PMP22: variants seen among roughly 807,000 people sequenced by gnomAD.
PMP22 encodes the protein Charcot-Marie-Tooth neuropathy 1A (greatly reduced nerve conduction velocity, hereditary motor sensory neuropathy Ia).
PMP22 carries 2 observed loss-of-function variants against 18.9 expected under a neutral mutation model. The ratio of observed to expected loss-of-function variants is 0.11; its 90% CI spans 0.04 to 0.33. The LOEUF is 0.33. Ranked by LOEUF, PMP22 falls within the 10% of genes least tolerant of loss-of-function variation. The pLI, the probability that PMP22 is intolerant of heterozygous loss-of-function variation, is 1.00. For synonymous variants in PMP22, 95 were observed against 89.2 expected (o/e 1.07, Z -0.37); for missense variants, 169 against 202.2 (o/e 0.84, Z 1.00).
chr17:15,236,849 C>T (rs1464650301), intron 4 of PMP22, among the ~76,000 whole-genome samples: 1 of 152,232 alleles, frequency 6.6e-6, no homozygotes, highest in Non-Finnish European at 1.5e-5. Context: ...TCCAGTGCAA[C>T]ATCCTAGAGA....
intron 1 of PMP22, among the ~76,000 whole-genome samples, chr17:15,264,438 A>G (rs984619948): frequency 2.0e-4 from 30 of 152,350 alleles, no homozygotes; most frequent in African/African-American, 7.2e-4. Context: ...TTATGTGATC[A>G]CAACATACTC....
chr17:15,254,803 C>T (rs982536278), intron 3 of PMP22, among the ~76,000 whole-genome samples: 1 of 152,054 alleles, frequency 6.6e-6, no homozygotes, highest in Non-Finnish European at 1.5e-5. Flanking sequence ...ACTAAAAATA[C>T]AAAAAATTAG....
At position 15,261,171 on chromosome 17, in the gene PMP22, T is replaced by C. The variant is rs879326870; in HGVS notation, c.-34-410A>G. 6.4e-6 allele frequency: 1 copy of C among 157,400 alleles called. No homozygotes were observed. The highest frequency in any genetic ancestry group is 1.4e-5 in the Non-Finnish European group (1 of 72,498). 9.8% of individuals were successfully genotyped at this position (157,400 alleles called of 1,614,324 possible). On this transcript the variant is annotated intron_variant, in intron 1 of 4. Transcript: ENST00000312280. This position sits in a 1 kb window ranked among gnomAD's most constrained non-coding sequence, Gnocchi z 5.2. The stretch of plus-strand genomic sequence containing the variant: ...ACGTTCTCCGAGACCCCGGTTCAGA[T>C]GGTGAATTCCCCTATGGGGTGGAGG...
chr17:15,243,753 A>G (rs1406422966), intron 3 of PMP22, among the ~76,000 whole-genome samples: 1 of 147,926 alleles, frequency 6.8e-6, no homozygotes, highest in Non-Finnish European at 1.5e-5. Flanking sequence ...TTATAGAAGT[A>G]TATATGTTCA....
intron 3 of PMP22, among the ~76,000 whole-genome samples, chr17:15,251,242 C>T (rs1045079226): frequency 2.6e-5 from 4 of 152,198 alleles, no homozygotes; most frequent in Non-Finnish European, 5.9e-5. Flanking sequence ...CTTCCCTGAG[C>T]AGCTCATTCC....
Position 15,244,159 on chromosome 17 carries a change from C to T in PMP22, c.179-4548G>A, listed in dbSNP as rs1027248086. ...AGAAATATGAACAGCCAATAAACAT[C>T]GTAAAAGGTGCCCAACCTCACTAGC... On this transcript the variant is annotated intron_variant, in intron 3 of 4. Coordinates refer to ENST00000312280, the MANE Select transcript of PMP22 (RefSeq NM_000304.4). Among the ~76,000 whole-genome samples the T allele has an allele frequency of 4.6e-5, 7 of 152,116 alleles. No homozygotes were observed. The East Asian group carries it at 5.8e-4, about 13-fold the overall frequency.
At chr17:15,255,296 G>A (rs185042409) in intron 3 of PMP22, among the ~76,000 whole-genome samples, 1 of 152,274 alleles carries the variant, frequency 6.6e-6, no homozygotes, top group East Asian at 1.9e-4. Flanking sequence ...CCCCAAGGCC[G>A]AATGACTATA....
chr17:15,255,602 C>T (rs763810116), intron 3 of PMP22, among the ~76,000 whole-genome samples: 9 of 152,204 alleles, frequency 5.9e-5, no homozygotes, highest in Non-Finnish European at 1.2e-4. Context: ...AATGATCTTA[C>T]TTAAGCCCCT....
intron 4 of PMP22, among the ~76,000 whole-genome samples, chr17:15,239,087 A>G (rs1351238960): frequency 6.6e-6 from 1 of 152,202 alleles, no homozygotes; most frequent in African/African-American, 2.4e-5. Flanking sequence ...TGGAGGCATA[A>G]TGTAATCTAC....
At chr17:15,239,344 G>T (rs1907084105) in intron 4 of PMP22, 127 bp downstream of exon 4, 1 of 1,114,564 alleles carries the variant, frequency 9.0e-7, no homozygotes, top group Non-Finnish European at 1.4e-6. Context: ...CTCACTTTAT[G>T]GAAAGCATCC....
chr17:15,249,371 T>C (rs1302940971), intron 3 of PMP22, among the ~76,000 whole-genome samples: 1 of 152,216 alleles, frequency 6.6e-6, no homozygotes, highest in Non-Finnish European at 1.5e-5. Flanking sequence ...GGTTACCTAA[T>C]TTGTTACAGG....
intron 4 of PMP22, among the ~76,000 whole-genome samples, chr17:15,236,303 C>A (rs1400428503): frequency 1.3e-5 from 2 of 152,198 alleles, no homozygotes; most frequent in African/African-American, 2.4e-5. Flanking sequence ...AGACAGACAA[C>A]TCCCAAACCT....
rs139154597 is a variant in PMP22 at position 15,258,369 on chromosome 17, T to C, written c.178+725A>G. ...ACAGGGCTCCTGGCTGGGTGTTCCT[T>C]TCCCTCTGGGTGCCTTGGGTACCTA... On this transcript the variant is annotated intron_variant, in intron 3 of 4. Transcript: ENST00000312280. The surrounding 1 kb of genome is among the most constrained non-coding windows in gnomAD (Gnocchi z 4.1). 6.9e-3 allele frequency among the ~76,000 whole-genome samples: 1,047 copies of C among 152,224 alleles called. 11 individuals carry two copies. Among genetic ancestry groups the C allele is most frequent in the African/African-American group, 0.024 (1,008 of 41,510 alleles).
At chr17:15,231,480 T>G (rs1174341899) in intron 4 of PMP22, among the ~76,000 whole-genome samples, 1 of 151,994 alleles carries the variant, frequency 6.6e-6, no homozygotes, top group African/African-American at 2.4e-5. Context: ...TACAAGTGAG[T>G]GGTGGCATTA....
In PMP22 at chr17:15,239,510, C is replaced by T. The variant is rs1335714957; in HGVS notation, c.280G>A (p.Gly94Ser). The T allele has an allele frequency of 1.9e-6, 3 of 1,614,158 alleles. No homozygotes were observed. Among genetic ancestry groups the T allele is most frequent in the Middle Eastern group, 1.6e-4 (1 of 6,062 alleles). ...FCQLFTLTKG[G>S]RFYITGIFQI... ...AAGATTCCAGTGATGTAAAACCTGC[C>T]CCCCTTGGTGAGGGTGAAGAGTTGG... The change falls in exon 4 of 5, where the codon GGC becomes AGC. Residue 94 changes from glycine (G) to serine (S), a missense_variant. Gly to Ser is a moderately conservative substitution (Grantham distance 56, BLOSUM62 0). Coordinates refer to ENST00000312280, the MANE Select transcript of PMP22 (RefSeq NM_000304.4).
At chr17:15,241,601 C>T (rs1907326253) in intron 3 of PMP22, among the ~76,000 whole-genome samples, 1 of 152,134 alleles carries the variant, frequency 6.6e-6, no homozygotes, top group African/African-American at 2.4e-5. Flanking sequence ...ACCTCACATA[C>T]ACAGAAAACT....
chr17:15,239,513 C>G lies in PMP22; in HGVS notation c.277G>C (p.Gly93Arg), dbSNP rs778693173. ...ATTCCAGTGATGTAAAACCTGCCCC[C>G]CTTGGTGAGGGTGAAGAGTTGGCAG... The part of the protein sequence containing the change: ...FFCQLFTLTK[G>R]GRFYITGIFQ... The change falls in exon 4 of 5, where the codon GGG becomes CGG. Residue 93 changes from glycine to arginine, a missense_variant. Physicochemically the swap from Gly to Arg is moderately radical, Grantham distance 125. Coordinates refer to ENST00000312280, the MANE Select transcript of PMP22 (RefSeq NM_000304.4). 9.3e-6 allele frequency: 15 copies of G among 1,614,026 alleles called. No individual in the cohort carries two copies. In the Admixed American group the frequency reaches 1.7e-4, roughly 18 times the overall value.
intron 1 of PMP22, among the ~76,000 whole-genome samples, chr17:15,264,762 G>A (rs1012944513): frequency 2.6e-5 from 4 of 152,172 alleles, no homozygotes; most frequent in Admixed American, 2.0e-4. Context: ...CTGCTGACCA[G>A]GCTTGCCACA....
At chr17:15,257,847 C>A (rs774002282) in intron 3 of PMP22, among the ~76,000 whole-genome samples, 2 of 152,222 alleles carry the variant, frequency 1.3e-5, no homozygotes, top group Non-Finnish European at 2.9e-5. Flanking sequence ...GGGTTTTCTA[C>A]TCCTTGCGTA....
Sources: gnomAD v4.1 joint callset for allele counts (sites outside exome capture counted in the v4.1 genomes callset) on GRCh38, gnomAD v4.1.1 for gene constraint, Gnocchi (gnomAD v3.1) non-coding constraint, MANE v1.5 for transcripts, NCBI Gene and HGNC (gene_info 2026-07-23, HGNC 2026-07-21) for gene names.